Variants in KAZN observed in about 807,000 individuals in gnomAD.
The protein encoded by KAZN is kazrin.
Under a neutral mutation model 87.4 loss-of-function variants are expected in KAZN, and 40 were observed. That is an observed-to-expected ratio of 0.46 (90% CI 0.36 to 0.60). KAZN has a LOEUF of 0.60. Among genes scored for constraint, KAZN ranks in the 20% least tolerant of loss-of-function variants. The pLI, the probability that KAZN is intolerant of heterozygous loss-of-function variation, is 0.00. For missense variants in KAZN, 898 were observed against 1,073.9 expected (o/e 0.84, Z 2.29); for synonymous variants, 466 against 458.3 (o/e 1.02, Z -0.22).
At chr1:14,137,179 C>T (rs143781658) in intron 1 of KAZN, among the ~76,000 whole-genome samples, 29 of 152,274 alleles carry the variant, frequency 1.9e-4, no homozygotes, top group African/African-American at 5.8e-4. Context: ...GAGTCCAGCC[C>T]AGTCCTTAGG....
chr1:14,344,577 C>A (rs1183111437), intron 2 of KAZN, among the ~76,000 whole-genome samples: 2 of 151,584 alleles, frequency 1.3e-5, no homozygotes, highest in Non-Finnish European at 2.9e-5. Context: ...AGAACATAGA[C>A]CTCAAAAAAA....
At chr1:14,029,709 C>T (rs912053415) in intron 1 of KAZN, among the ~76,000 whole-genome samples, 1 of 151,902 alleles carries the variant, frequency 6.6e-6, no homozygotes, top group African/African-American at 2.4e-5. Flanking sequence ...CCAGTTTTCC[C>T]AACACCATTT....
At chr1:14,162,333 A>C (rs1040949511) in intron 1 of KAZN, among the ~76,000 whole-genome samples, 1 of 152,160 alleles carries the variant, frequency 6.6e-6, no homozygotes, top group African/African-American at 2.4e-5. Flanking sequence ...TTATTGGAGT[A>C]TACTCCATTA....
intron 1 of KAZN, among the ~76,000 whole-genome samples, chr1:14,921,153 A>AACACACACACACACACACACACACAC (rs55766387): frequency 2.8e-5 from 4 of 144,508 alleles, no homozygotes; most frequent in South Asian, 4.6e-4. Flanking sequence ...CTGAGCATGC[A>AACACACACACACACACACACACACAC]ACACACACAC....
chr1:14,183,395 T>C (rs1646239496), intron 2 of KAZN, among the ~76,000 whole-genome samples: 1 of 152,132 alleles, frequency 6.6e-6, no homozygotes, highest in African/African-American at 2.4e-5. Context: ...CTAAACGTTT[T>C]GAGCATGGAG....
rs191469570 is a variant in KAZN, at chr1:14,267,796, C to T, written c.249+87204C>T. 4.3e-3 allele frequency among the ~76,000 whole-genome samples: 659 copies of T among 152,110 alleles called. 6 individuals carry two copies. The highest frequency in any genetic ancestry group is 0.015 in the African/African-American group (632 of 41,506). ...CCAACATGGAGAAACCCTGTCTCCA[C>T]TAAAAATACAAAAATTAGCCAGGCA... On this transcript the variant is annotated intron_variant, in intron 2 of 16. Coordinates refer to the KAZN transcript ENST00000636203.
At chr1:14,791,765 G>A (rs895502359) in intron 1 of KAZN, among the ~76,000 whole-genome samples, 27 of 152,252 alleles carry the variant, frequency 1.8e-4, no homozygotes, top group African/African-American at 1.9e-4. Flanking sequence ...TCCCTGGCAC[G>A]CTTGCCTGAG....
chr1:14,674,085 A>T (rs1640075079), intron 1 of KAZN, among the ~76,000 whole-genome samples: 1 of 152,236 alleles, frequency 6.6e-6, no homozygotes, highest in South Asian at 2.1e-4. Context: ...CTCAGAAGAG[A>T]AGTACAGAAA....
intron 2 of KAZN, among the ~76,000 whole-genome samples, chr1:14,410,952 T>A (rs1391054264): frequency 6.6e-6 from 1 of 152,202 alleles, no homozygotes; most frequent in Non-Finnish European, 1.5e-5. Flanking sequence ...GAGAATAAAT[T>A]TCTGTTGTTT....
At chr1:14,214,546 A>AT (rs940586183) in intron 2 of KAZN, among the ~76,000 whole-genome samples, 1 of 152,180 alleles carries the variant, frequency 6.6e-6, no homozygotes, top group African/African-American at 2.4e-5. Context: ...AAAATATATG[A>AT]TTTTTCATTT....
intron 1 of KAZN, among the ~76,000 whole-genome samples, chr1:14,031,181 A>G (rs1395499745): frequency 2.0e-5 from 3 of 152,244 alleles, no homozygotes; most frequent in African/African-American, 7.2e-5. Context: ...TTTATTTCAT[A>G]TAGTGACTTT....
intron 2 of KAZN, among the ~76,000 whole-genome samples, chr1:14,294,914 T>TC (rs994458946): frequency 6.6e-6 from 1 of 151,264 alleles, no homozygotes; most frequent in African/African-American, 2.4e-5. Context: ...TTTTTTTTTT[T>TC]CAGCAGCTAT....
chr1:14,698,052 G>A (rs1641713646), intron 1 of KAZN, among the ~76,000 whole-genome samples: 1 of 152,220 alleles, frequency 6.6e-6, no homozygotes, highest in Non-Finnish European at 1.5e-5. Context: ...AGGTTCCTGA[G>A]GTTTGCCTAT....
chr1:14,363,339 T>G (rs1269499095), intron 2 of KAZN, among the ~76,000 whole-genome samples: 1 of 152,162 alleles, frequency 6.6e-6, no homozygotes, highest in Non-Finnish European at 1.5e-5. Flanking sequence ...AAGGGCCTAG[T>G]AGGTGCAGCC....
At chr1:14,543,039 G>A (rs1205721214) in intron 2 of KAZN, among the ~76,000 whole-genome samples, 1 of 152,130 alleles carries the variant, frequency 6.6e-6, no homozygotes, top group East Asian at 1.9e-4. Context: ...CATGTTATTG[G>A]CTGGCCAATA....
intron 1 of KAZN, among the ~76,000 whole-genome samples, chr1:14,802,070 C>T (rs2100743213): frequency 6.6e-6 from 1 of 152,108 alleles, no homozygotes; most frequent in African/African-American, 2.4e-5. Context: ...ATGATCTCGT[C>T]CAGAAAGCTT....
chr1:14,090,855 T>C (rs1643961037), intron 1 of KAZN, among the ~76,000 whole-genome samples: 1 of 152,162 alleles, frequency 6.6e-6, no homozygotes, highest in Non-Finnish European at 1.5e-5. Context: ...GGCTCAGGCC[T>C]GTAATCCCAG....
At chr1:13,895,460 T>TA (rs529330055) in intron 1 of KAZN, among the ~76,000 whole-genome samples, 18 of 152,118 alleles carry the variant, frequency 1.2e-4, no homozygotes, top group Non-Finnish European at 2.6e-4. Flanking sequence ...GCCTCTTTTT[T>TA]AAAAAAACAT....
At chr1:14,337,830 G>A (rs1468109178) in intron 2 of KAZN, among the ~76,000 whole-genome samples, 2 of 148,520 alleles carry the variant, frequency 1.3e-5, no homozygotes, top group Non-Finnish European at 3.0e-5. Flanking sequence ...GGAGGCGGAG[G>A]TTATGATGAG....
Sources: allele counts gnomAD v4.1 joint callset (sites outside exome capture counted in the v4.1 genomes callset), GRCh38; gene constraint gnomAD v4.1.1; transcripts MANE v1.5; gene names NCBI Gene and HGNC (gene_info 2026-07-23, HGNC 2026-07-21).